DPP6: variants seen among roughly 807,000 people sequenced by gnomAD.
DPP6 encodes the protein A-type potassium channel modulatory protein DPP6.
DPP6 carries 69 observed loss-of-function variants against 122.6 expected under a neutral mutation model. The ratio of observed to expected loss-of-function variants is 0.56; its 90% CI spans 0.46 to 0.69. The LOEUF is 0.69. Among genes scored for constraint, DPP6 ranks in the 30% least tolerant of loss-of-function variants. The probability of loss-of-function intolerance (pLI) is 0.00; values close to 1 mark genes in which losing one functional copy is unlikely to be tolerated. For missense variants in DPP6, 928 were observed against 1,116.9 expected (o/e 0.83, Z 2.41); for synonymous variants, 418 against 433.1 (o/e 0.97, Z 0.43).
chr7:153,795,767 A>G, the DPP6 span, among the ~76,000 whole-genome samples: 1 of 150,730 alleles, frequency 6.6e-6, no homozygotes, highest in African/African-American at 2.4e-5. Flanking sequence ...GCTTTAAAAG[A>G]CTCCCTCAAA....
At chr7:154,262,674 ACTAGAGACT>A (rs1563384005) in intron 1 of DPP6, among the ~76,000 whole-genome samples, 1 of 146,874 alleles carries the variant, frequency 6.8e-6, no homozygotes, top group African/African-American at 2.6e-5. Context: ...AAAAAAAAAG[ACTAGAGACT>A]CTAGGTTAAG....
At chr7:154,128,551 G>A (rs1325793396) in intron 1 of DPP6, among the ~76,000 whole-genome samples, 2 of 151,980 alleles carry the variant, frequency 1.3e-5, no homozygotes, top group East Asian at 1.9e-4. Context: ...ACAGGCGCCC[G>A]CCACCGCGCC....
At chr7:154,201,605 C>A (rs7778228) in intron 1 of DPP6, among the ~76,000 whole-genome samples, 3,476 of 152,272 alleles carry the variant, frequency 0.023, 134 homozygotes, top group African/African-American at 0.078. Flanking sequence ...GGTCCCACGC[C>A]GGACTGTGGA....
intron 1 of DPP6, among the ~76,000 whole-genome samples, chr7:153,990,308 G>A (rs964629686): frequency 9.1e-6 from 1 of 109,430 alleles, no homozygotes; most frequent in Non-Finnish European, 1.8e-5. Flanking sequence ...GGGTTCCTGG[G>A]TCTTGCCCCT....
chr7:154,269,810 G>T (rs1026561453), intron 1 of DPP6, among the ~76,000 whole-genome samples: 2 of 152,064 alleles, frequency 1.3e-5, no homozygotes, highest in Non-Finnish European at 2.9e-5. Flanking sequence ...AATCTCAGAG[G>T]TACAAATTTG....
intron 1 of DPP6, among the ~76,000 whole-genome samples, chr7:154,341,076 G>C (rs187022835): frequency 2.6e-5 from 4 of 152,238 alleles, no homozygotes; most frequent in Admixed American, 2.6e-4. Flanking sequence ...AGAGATACTA[G>C]TTTTTATGCT....
chr7:153,969,973 C>A (rs543416102), intron 1 of DPP6, among the ~76,000 whole-genome samples: 1 of 152,142 alleles, frequency 6.6e-6, no homozygotes, highest in East Asian at 1.9e-4. Context: ...CAGTACAATA[C>A]CTTCAAGATT....
intron 4 of DPP6, among the ~76,000 whole-genome samples, chr7:154,556,914 GA>G (rs1189175087): frequency 1.2e-5 from 1 of 82,866 alleles, no homozygotes; most frequent in East Asian, 2.5e-4. Context: ...AAACGTTCAG[GA>G]ATGTGTTAGA....
chr7:154,395,405 A>G (rs1814993694), intron 1 of DPP6, among the ~76,000 whole-genome samples: 1 of 152,168 alleles, frequency 6.6e-6, no homozygotes, highest in Non-Finnish European at 1.5e-5. Context: ...GTTTCCATTT[A>G]ATTATGTCTT....
chr7:154,724,747 T>A (rs1399813858), intron 7 of DPP6, among the ~76,000 whole-genome samples: 3 of 150,484 alleles, frequency 2.0e-5, no homozygotes, highest in Non-Finnish European at 3.0e-5. Flanking sequence ...GGAAGTAGAG[T>A]AGGGGTGCCA....
rs1049967123 is a variant in DPP6 at position 154,241,156 on chromosome 7, T to C, written c.243+188093T>C. On this transcript the variant is annotated intron_variant, in intron 1 of 25. Coordinates refer to ENST00000377770, the MANE Select transcript of DPP6 (RefSeq NM_130797.4). The surrounding 1 kb of genome is among the most constrained non-coding windows in gnomAD (Gnocchi z 9.0). ...TGATTGGGCACAAATATAAACATAT[T>C]GCTGCACAGTAGGTAATTCAATATC... 2.0e-5 allele frequency among the ~76,000 whole-genome samples: 3 copies of C among 150,638 alleles called. No individual in the cohort carries two copies. The highest frequency in any genetic ancestry group is 7.3e-5 in the African/African-American group (3 of 40,826).
At chr7:154,574,297 GTGTA>G (rs1457012881) in intron 5 of DPP6, among the ~76,000 whole-genome samples, 2 of 134,344 alleles carry the variant, frequency 1.5e-5, no homozygotes, top group Non-Finnish European at 3.1e-5. Flanking sequence ...GCGTATGTGT[GTGTA>G]TGTGTGTGGT....
intron 4 of DPP6, among the ~76,000 whole-genome samples, chr7:154,556,460 C>A (rs570111005): frequency 2.2e-4 from 33 of 152,264 alleles, no homozygotes; most frequent in African/African-American, 7.5e-4. Flanking sequence ...TAGGGTGACA[C>A]ACTTAGAACA....
chr7:153,958,939 C>T (rs1160419964), intron 1 of DPP6, among the ~76,000 whole-genome samples: 2 of 152,010 alleles, frequency 1.3e-5, no homozygotes, highest in African/African-American at 4.8e-5. Context: ...CCCACACCCC[C>T]TGCTTGTAGT....
chr7:153,775,885 G>A, the DPP6 span, among the ~76,000 whole-genome samples: 1 of 152,174 alleles, frequency 6.6e-6, no homozygotes, highest in African/African-American at 2.4e-5. Context: ...GGATCTGTAT[G>A]CTGAAATGTA....
chr7:154,015,980 AC>A (rs1798388234), intron 1 of DPP6, among the ~76,000 whole-genome samples: 1 of 151,560 alleles, frequency 6.6e-6, no homozygotes, highest in Non-Finnish European at 1.5e-5. Context: ...CCCTTATAAG[AC>A]CCCTTTTCCC....
At chr7:154,482,815 G>T (rs1823426304) in intron 3 of DPP6, among the ~76,000 whole-genome samples, 1 of 152,128 alleles carries the variant, frequency 6.6e-6, no homozygotes, top group Non-Finnish European at 1.5e-5. Context: ...AGCAGGAGGT[G>T]GTAGTGTATA....
chr7:154,042,848 T>G (rs956506153), intron 1 of DPP6, among the ~76,000 whole-genome samples: 4 of 152,212 alleles, frequency 2.6e-5, no homozygotes, highest in Non-Finnish European at 5.9e-5. Context: ...GAAAATTGAT[T>G]CAAGAAATTG....
chr7:154,711,930 G>A (rs536949816), intron 7 of DPP6, among the ~76,000 whole-genome samples: 61 of 70,240 alleles, frequency 8.7e-4, no homozygotes, highest in African/African-American at 2.8e-3. Context: ...GGTGTAAATT[G>A]TCACTTAATA....
Sources: allele counts gnomAD v4.1 joint callset (sites outside exome capture counted in the v4.1 genomes callset), GRCh38; gene constraint gnomAD v4.1.1; non-coding constraint Gnocchi (gnomAD v3.1); transcripts MANE v1.5; gene names NCBI Gene and HGNC (gene_info 2026-07-23, HGNC 2026-07-21).